The following ZMAT4 variants were observed in gnomAD, a reference collection of about 807,000 sequenced individuals.
ZMAT4 encodes the protein zinc finger matrin-type protein 4.
A neutral mutation model predicts 28.7 loss-of-function variants in ZMAT4; 17 were observed. That is an observed-to-expected ratio of 0.59 (90% CI 0.41 to 0.89). ZMAT4 has a LOEUF of 0.89. Among genes scored for constraint, ZMAT4 ranks in the 40% least tolerant of loss-of-function variants. The probability of loss-of-function intolerance (pLI) is 0.00; values close to 1 mark genes in which losing one functional copy is unlikely to be tolerated. For missense variants in ZMAT4, 240 were observed against 283.8 expected, an observed-to-expected ratio of 0.85 and a Z score of 1.11; for synonymous variants, 117 against 109.2, an observed-to-expected ratio of 1.07 and a Z score of -0.44.
At chr8:40,532,424 C>T (rs1483458168) in intron 6 of ZMAT4, among the ~76,000 whole-genome samples, 186 bp from the exon 7 acceptor site, 1 of 150,618 alleles carries the variant, frequency 6.6e-6, no homozygotes, top group Non-Finnish European at 1.5e-5. Context: ...TAAAATATCT[C>T]CATTACTAAT....
chr8:40,876,932 G>T (rs1818060344), intron 1 of ZMAT4, among the ~76,000 whole-genome samples: 1 of 152,184 alleles, frequency 6.6e-6, no homozygotes, highest in South Asian at 2.1e-4. Context: ...AAAGACTCTT[G>T]TTACAGGGTG....
chr8:40,736,219 A>C (rs1022870207), intron 3 of ZMAT4, among the ~76,000 whole-genome samples: 1 of 152,208 alleles, frequency 6.6e-6, no homozygotes, highest in African/African-American at 2.4e-5. Flanking sequence ...AGGCAAACAC[A>C]TCAAGCTGGT....
chr8:40,717,660 C>G (rs1201752346), intron 3 of ZMAT4, among the ~76,000 whole-genome samples: 1 of 151,130 alleles, frequency 6.6e-6, no homozygotes, highest in African/African-American at 2.4e-5. Flanking sequence ...GACTCTGTCT[C>G]TAAAAAGCAA....
At chr8:40,534,516 G>T (rs1802786205) in intron 6 of ZMAT4, among the ~76,000 whole-genome samples, 1 of 152,122 alleles carries the variant, frequency 6.6e-6, no homozygotes, top group Non-Finnish European at 1.5e-5. Context: ...GGCAGTCTTT[G>T]TTCTCTGACA....
chr8:40,728,679 T>A (rs964280954), intron 3 of ZMAT4, among the ~76,000 whole-genome samples: 1 of 152,238 alleles, frequency 6.6e-6, no homozygotes, highest in East Asian at 1.9e-4. Context: ...AAGGCACATC[T>A]GGTTTCATTA....
At chr8:40,803,346 C>T (rs1814934431) in intron 2 of ZMAT4, among the ~76,000 whole-genome samples, 1 of 152,084 alleles carries the variant, frequency 6.6e-6, no homozygotes, top group Non-Finnish European at 1.5e-5. Flanking sequence ...ATTCCCTACC[C>T]AAAAGATAAA....
At chr8:40,652,245 A>G (rs1425155091) in intron 5 of ZMAT4, among the ~76,000 whole-genome samples, 2 of 111,872 alleles carry the variant, frequency 1.8e-5, no homozygotes, top group African/African-American at 6.0e-5. Context: ...AGAAAAAAAC[A>G]AACAACCCCA....
At chr8:40,819,487 T>G (rs767332721) in intron 2 of ZMAT4, among the ~76,000 whole-genome samples, 1 of 152,038 alleles carries the variant, frequency 6.6e-6, no homozygotes, top group Non-Finnish European at 1.5e-5. Context: ...CCCTAGCCTG[T>G]GCATCCCCTG....
intron 1 of ZMAT4, among the ~76,000 whole-genome samples, chr8:40,837,042 G>T (rs888761871): frequency 5.3e-5 from 8 of 152,142 alleles, no homozygotes; most frequent in Non-Finnish European, 8.8e-5. Flanking sequence ...GATGAGAGAC[G>T]ATTTTCTAGA....
intron 2 of ZMAT4, among the ~76,000 whole-genome samples, chr8:40,821,417 G>C (rs981024589): frequency 5.6e-5 from 8 of 143,814 alleles, no homozygotes; most frequent in Admixed American, 2.1e-4. Flanking sequence ...CTACTGAAAT[G>C]TTAATGTGTT....
At position 40,596,245 on chromosome 8, in the gene ZMAT4, A is replaced by G. The variant is rs149305088; in HGVS notation, c.578-14984T>C. On this transcript the variant is annotated intron_variant, in intron 5 of 6. Coordinates refer to ENST00000297737, the MANE Select transcript of ZMAT4 (RefSeq NM_024645.3). Reference sequence around the variant, plus strand: ...ATGAGTGAATGGGAAGGCCTAGAACATAACTGTACACTACTGCAGACTTTA... The same window carrying G: ...ATGAGTGAATGGGAAGGCCTAGAACGTAACTGTACACTACTGCAGACTTTA... Among the ~76,000 whole-genome samples, 222 of 152,358 alleles carry G rather than the reference A, an allele frequency of 1.5e-3. 6 individuals carry two copies. The highest frequency in any genetic ancestry group is 0.012 in the Admixed American group (191 of 15,302).
chr8:40,577,077 T>A (rs1804291930), intron 6 of ZMAT4, among the ~76,000 whole-genome samples: 1 of 151,860 alleles, frequency 6.6e-6, no homozygotes, highest in Admixed American at 6.6e-5. Context: ...GCCTGTAATC[T>A]CAGCTACCTG....
At position 40,805,838 on chromosome 8, in the gene ZMAT4, G is replaced by A. The variant is rs1010419251; in HGVS notation, c.102+19737C>T. On this transcript the variant is annotated intron_variant, in intron 2 of 6. Coordinates refer to ENST00000297737, the MANE Select transcript of ZMAT4 (RefSeq NM_024645.3). The stretch of plus-strand genomic sequence containing the variant: ...TGGCATTGGGAGATATACCTAATGC[G>A]AGATGACGAGTTAGTGGGTGCAGTG... 3.3e-5 allele frequency among the ~76,000 whole-genome samples: 5 copies of A among 151,406 alleles called. 1 individual carries two copies. In the South Asian group the frequency reaches 8.4e-4, roughly 25 times the overall value.
intron 5 of ZMAT4, among the ~76,000 whole-genome samples, chr8:40,621,372 C>T (rs538073259): frequency 5.8e-4 from 89 of 152,296 alleles, no homozygotes; most frequent in Non-Finnish European, 1.6e-4. Flanking sequence ...CCAACTAGTA[C>T]TCAAATCTGG....
intron 5 of ZMAT4, among the ~76,000 whole-genome samples, chr8:40,608,188 C>T (rs1406671175): frequency 2.0e-5 from 3 of 152,012 alleles, no homozygotes; most frequent in African/African-American, 7.3e-5. Flanking sequence ...AAAGAAAGAC[C>T]ATCAGATGGG....
chr8:40,559,376 T>G (rs1197243117), intron 6 of ZMAT4, among the ~76,000 whole-genome samples: 1 of 152,192 alleles, frequency 6.6e-6, no homozygotes, highest in Non-Finnish European at 1.5e-5. Context: ...CATGCATGTT[T>G]GTTCAGTATG....
At chr8:40,613,994 A>G (rs912500526) in intron 5 of ZMAT4, among the ~76,000 whole-genome samples, 5 of 152,254 alleles carry the variant, frequency 3.3e-5, no homozygotes, top group Admixed American at 2.0e-4. Flanking sequence ...TGTCCTTGAC[A>G]TGGAGAGTCC....
At chr8:40,825,853 G>A (rs940422650) in intron 1 of ZMAT4, among the ~76,000 whole-genome samples, 173 bp from the exon 2 acceptor site, 1 of 152,212 alleles carries the variant, frequency 6.6e-6, no homozygotes, top group Admixed American at 6.5e-5. Context: ...TATGTGCATA[G>A]GTTATAGTTT....
intron 2 of ZMAT4, among the ~76,000 whole-genome samples, chr8:40,791,211 A>T (rs1814310010): frequency 6.6e-6 from 1 of 152,232 alleles, no homozygotes; most frequent in Non-Finnish European, 1.5e-5. Context: ...CTCAGGGAAC[A>T]GATGTTCAGA....
Sources: allele counts gnomAD v4.1 joint callset (sites outside exome capture counted in the v4.1 genomes callset), GRCh38; gene constraint gnomAD v4.1.1; transcripts MANE v1.5; gene names NCBI Gene and HGNC (gene_info 2026-07-23, HGNC 2026-07-21).